DLGAP1: variants seen among roughly 807,000 people sequenced by gnomAD.
DLGAP1 encodes the protein disks large-associated protein 1.
Under a neutral mutation model 90.8 loss-of-function variants are expected in DLGAP1, and 11 were observed. That is an observed-to-expected ratio of 0.12 (90% CI 0.08 to 0.20). The LOEUF (loss-of-function observed/expected upper bound fraction) is 0.20. Among genes scored for constraint, DLGAP1 ranks in the 10% least tolerant of loss-of-function variants. DLGAP1 has a pLI of 1.00. For missense variants in DLGAP1, 1,050 were observed against 1,333.8 expected, an observed-to-expected ratio of 0.79 and a Z score of 3.31; for synonymous variants, 558 against 540.7, an observed-to-expected ratio of 1.03 and a Z score of -0.44.
intron 1 of DLGAP1, among the ~76,000 whole-genome samples, chr18:4,447,817 C>G (rs2083705003): frequency 6.6e-6 from 1 of 152,162 alleles, no homozygotes; most frequent in Non-Finnish European, 1.5e-5. Flanking sequence ...ACTAAAACAG[C>G]CTCTTCATGC....
chr18:3,926,217 T>C lies in DLGAP1; in HGVS notation c.-72-46077A>G, dbSNP rs529958721. Among the ~76,000 whole-genome samples the C allele has an allele frequency of 2.6e-5, 4 of 152,314 alleles. No individual in the cohort carries two copies. In the South Asian group the frequency reaches 8.3e-4, roughly 32 times the overall value. ...GACATTTGGGTCAGAAAATTCTCAG[T>C]TGTGGAGGCTGTCCTGTGTCTTGTA... is the stretch of plus-strand genomic sequence containing the variant. On this transcript the variant is annotated intron_variant, in intron 3 of 12. Transcript: ENST00000315677.
At chr18:3,950,811 G>T (rs2072970659) in intron 3 of DLGAP1, among the ~76,000 whole-genome samples, 1 of 152,102 alleles carries the variant, frequency 6.6e-6, no homozygotes, top group African/African-American at 2.4e-5. Context: ...GTTTTTTATT[G>T]TGTATTCTAA....
Position 3,675,586 on chromosome 18 carries a change from G to A in DLGAP1, c.1591+53549C>T, listed in dbSNP as rs547574256. On this transcript the variant is annotated intron_variant, in intron 7 of 12. Coordinates refer to ENST00000315677, the MANE Select transcript of DLGAP1 (RefSeq NM_004746.4). ...TAAGCTACTGCAGTGGTACCCTACA[G>A]TTTTGTTTCCCGCATTCCTATCACC... 5.9e-5 allele frequency among the ~76,000 whole-genome samples: 9 copies of A among 152,282 alleles called. No individual in the cohort carries two copies. In the East Asian group the frequency reaches 1.7e-3, roughly 29 times the overall value.
At chr18:4,265,928 T>C (rs1014299180) in intron 1 of DLGAP1, among the ~76,000 whole-genome samples, 1 of 151,560 alleles carries the variant, frequency 6.6e-6, no homozygotes, top group African/African-American at 2.4e-5. Context: ...GCTCAAGCGA[T>C]CCTCCCTCCT....
intron 2 of DLGAP1, among the ~76,000 whole-genome samples, chr18:4,029,911 T>C (rs1568360313): frequency 6.6e-6 from 1 of 152,214 alleles, no homozygotes. Context: ...TTTGATTTGT[T>C]CTTTTCTCTA....
chr18:4,397,441 T>C (rs973459627), intron 1 of DLGAP1, among the ~76,000 whole-genome samples: 3 of 152,190 alleles, frequency 2.0e-5, no homozygotes, highest in African/African-American at 7.2e-5. Flanking sequence ...GAAACCACAC[T>C]TTATATCAAA....
At chr18:4,230,769 T>C (rs2078282936) in intron 1 of DLGAP1, among the ~76,000 whole-genome samples, 1 of 150,898 alleles carries the variant, frequency 6.6e-6, no homozygotes, top group South Asian at 2.1e-4. Context: ...ACTTAAAAAG[T>C]ATGATTGGAT....
In DLGAP1 at chr18:4,253,477, C is replaced by G. The variant is rs148375046; in HGVS notation, c.-266-102190G>C. Among the ~76,000 whole-genome samples the G allele has an allele frequency of 4.0e-3, 607 of 152,288 alleles. 6 individuals are homozygous for G. Among genetic ancestry groups the G allele is most frequent in the African/African-American group, 0.014 (582 of 41,566 alleles). The stretch of plus-strand genomic sequence containing the variant: ...CCAGGCTGGAGTGCAGTGGCACAAT[C>G]TCTGCTCACTGCAACCTTCACTTCC... On this transcript the variant is annotated intron_variant, in intron 1 of 12. Transcript: ENST00000315677.
chr18:3,598,731 G>T (rs540821962), intron 7 of DLGAP1, among the ~76,000 whole-genome samples: 2 of 152,248 alleles, frequency 1.3e-5, no homozygotes, highest in South Asian at 4.2e-4. Flanking sequence ...GCCTCCCAAA[G>T]TGCTGGGATT....
At chr18:3,819,937 A>T (rs941887892) in intron 4 of DLGAP1, among the ~76,000 whole-genome samples, 12 of 152,250 alleles carry the variant, frequency 7.9e-5, no homozygotes, top group African/African-American at 2.9e-4. Flanking sequence ...TTTGAAAGAA[A>T]AGTTACAAGA....
chr18:4,139,109 T>C (rs1265336588), intron 2 of DLGAP1, among the ~76,000 whole-genome samples: 1 of 152,072 alleles, frequency 6.6e-6, no homozygotes, highest in South Asian at 2.1e-4. Flanking sequence ...TATTTTGTAT[T>C]GTTTTGTTTC....
Position 4,185,262 on chromosome 18 carries a change from G to GT in DLGAP1, c.-266-33976dup, listed in dbSNP as rs11336512. On this transcript the variant is annotated intron_variant, in intron 1 of 12. Coordinates refer to ENST00000315677, the MANE Select transcript of DLGAP1 (RefSeq NM_004746.4). Reference sequence around the variant, plus strand: ...ACAAGATTTTCATGAAGTATTTGAGGTTTTTTTTTTTTAACTTTTATTTCA... The same window carrying GT: ...ACAAGATTTTCATGAAGTATTTGAGGTTTTTTTTTTTTTAACTTTTATTTCA... Among the ~76,000 whole-genome samples the GT allele has an allele frequency of 3.5e-3, 524 of 147,938 alleles. 2 individuals carry two copies. The highest frequency in any genetic ancestry group is 0.011 in the African/African-American group (460 of 40,638).
intron 5 of DLGAP1, among the ~76,000 whole-genome samples, chr18:3,798,312 T>C (rs917277468): frequency 2.6e-5 from 4 of 152,174 alleles, no homozygotes; most frequent in African/African-American, 4.8e-5. Flanking sequence ...CACAGATCCA[T>C]AGTCAGAGGA....
chr18:3,926,477 T>C (rs867936720), intron 3 of DLGAP1, among the ~76,000 whole-genome samples: 5 of 113,100 alleles, frequency 4.4e-5, no homozygotes, highest in Middle Eastern at 3.8e-3. Context: ...CCTATGTATG[T>C]AGTATTTATA....
intron 5 of DLGAP1, among the ~76,000 whole-genome samples, chr18:3,757,097 C>G (rs2063746892): frequency 6.6e-6 from 1 of 151,990 alleles, no homozygotes; most frequent in South Asian, 2.1e-4. Flanking sequence ...GTAGTATCAC[C>G]CTGAGATCAA....
intron 4 of DLGAP1, among the ~76,000 whole-genome samples, chr18:3,858,563 A>G (rs1392414306): frequency 6.6e-6 from 1 of 151,508 alleles, no homozygotes. Context: ...TATATAAAAC[A>G]CCTGATTGCA....
At chr18:4,053,061 C>T (rs1294294178) in intron 2 of DLGAP1, among the ~76,000 whole-genome samples, 3 of 152,206 alleles carry the variant, frequency 2.0e-5, no homozygotes, top group Non-Finnish European at 2.9e-5. Flanking sequence ...GTTTCAACCT[C>T]TGCCTGTTAC....
intron 1 of DLGAP1, among the ~76,000 whole-genome samples, chr18:4,366,580 GA>G (rs530741949): frequency 2.4e-4 from 34 of 144,672 alleles, no homozygotes; most frequent in East Asian, 6.0e-4. Context: ...GGAATATTCA[GA>G]AAAAAAAAAG....
chr18:3,705,303 C>CT (rs34878394), intron 7 of DLGAP1, among the ~76,000 whole-genome samples: 43,074 of 142,038 alleles, frequency 0.3, 6,942 homozygotes, highest in South Asian at 0.39. Context: ...TTTCAGGCTA[C>CT]TTTTTTTTTT....
Sources: gnomAD v4.1 joint callset for allele counts (sites outside exome capture counted in the v4.1 genomes callset) on GRCh38, gnomAD v4.1.1 for gene constraint, MANE v1.5 for transcripts, NCBI Gene and HGNC (gene_info 2026-07-23, HGNC 2026-07-21) for gene names.